The following AGFG1 variants were observed in gnomAD, a reference collection of about 807,000 sequenced individuals.
AGFG1 encodes arf-GAP domain and FG repeat-containing protein 1.
A neutral mutation model predicts 60.6 loss-of-function variants in AGFG1; 10 were observed. That is an observed-to-expected ratio of 0.16 (90% confidence interval 0.10 to 0.28). The LOEUF is 0.28. AGFG1 is among the 10% of genes least tolerant of loss of function. The probability of loss-of-function intolerance (pLI) is 1.00; values close to 1 mark genes in which losing one functional copy is unlikely to be tolerated. For synonymous variants in AGFG1, 247 were observed against 242.9 expected, an observed-to-expected ratio of 1.02 and a Z score of -0.16; for missense variants, 537 against 676.5, an observed-to-expected ratio of 0.79 and a Z score of 2.29.
intron 2 of AGFG1, among the ~76,000 whole-genome samples, chr2:227,500,361 T>C (rs919899550): frequency 6.6e-6 from 1 of 152,236 alleles, no homozygotes; most frequent in Non-Finnish European, 1.5e-5. Context: ...GGAGAACTTG[T>C]CCTGCTTTGT....
intron 2 of AGFG1, among the ~76,000 whole-genome samples, chr2:227,509,185 G>A (rs1691419212): frequency 6.6e-6 from 1 of 152,156 alleles, no homozygotes; most frequent in African/African-American, 2.4e-5. Context: ...AATTGATGTT[G>A]TGTATCTTTC....
intron 10 of AGFG1, among the ~76,000 whole-genome samples, chr2:227,547,440 C>G (rs973852261): frequency 6.6e-6 from 1 of 151,972 alleles, no homozygotes; most frequent in African/African-American, 2.4e-5. Context: ...AAATTGTTGC[C>G]AATGTGGTAA....
At chr2:227,478,959 A>G (rs916928366) in intron 1 of AGFG1, among the ~76,000 whole-genome samples, 2 of 152,236 alleles carry the variant, frequency 1.3e-5, no homozygotes, top group Non-Finnish European at 2.9e-5. Flanking sequence ...TTTACATGAC[A>G]TTCACTTAAA....
At position 227,519,909 on chromosome 2, in the gene AGFG1, T is replaced by G. The variant is rs1575092976; in HGVS notation, c.262-39T>G. The G allele has an allele frequency of 1.0e-5, 12 of 1,200,864 alleles. No homozygotes were observed. In the East Asian group the frequency reaches 2.7e-4, roughly 27 times the overall value. 74.4% of individuals were successfully genotyped at this position (1,200,864 alleles called of 1,614,324 possible). ...CCCTTAAAATTTCATTAAGTGAAGA[T>G]GTTGAATTTAACATATATTTTTTTA... On this transcript the variant is annotated intron_variant, in intron 2 of 12. Coordinates refer to ENST00000310078, the MANE Select transcript of AGFG1 (RefSeq NM_004504.5).
intron 2 of AGFG1, among the ~76,000 whole-genome samples, chr2:227,515,678 C>T (rs529462417): frequency 1.3e-5 from 2 of 152,228 alleles, no homozygotes; most frequent in South Asian, 2.1e-4. Flanking sequence ...AAAAAGCCTT[C>T]GGACTAGTTT....
chr2:227,551,500 C>T (rs759428096), intron 10 of AGFG1, among the ~76,000 whole-genome samples: 1 of 152,072 alleles, frequency 6.6e-6, no homozygotes, highest in Non-Finnish European at 1.5e-5. Context: ...AACTATTCTT[C>T]AGCGGTTTAA....
At chr2:227,501,583 T>C (rs1691158081) in intron 2 of AGFG1, among the ~76,000 whole-genome samples, 1 of 152,078 alleles carries the variant, frequency 6.6e-6, no homozygotes, top group Non-Finnish European at 1.5e-5. Flanking sequence ...TATTCAGTCC[T>C]TCCCTGAATT....
intron 1 of AGFG1, among the ~76,000 whole-genome samples, chr2:227,477,438 T>C (rs1364034031): frequency 6.6e-6 from 1 of 152,226 alleles, no homozygotes; most frequent in Non-Finnish European, 1.5e-5. Flanking sequence ...AGTGTTTTGC[T>C]GTTATAACCT....
chr2:227,531,525 CTTTT>C (rs34372948), intron 6 of AGFG1, among the ~76,000 whole-genome samples: 4 of 130,204 alleles, frequency 3.1e-5, no homozygotes, highest in East Asian at 2.2e-4. Context: ...CTCTCTGTCT[CTTTT>C]TTTTTTTTTT....
chr2:227,501,016 ACTC>A (rs1190781752), intron 2 of AGFG1, among the ~76,000 whole-genome samples: 1 of 150,570 alleles, frequency 6.6e-6, no homozygotes, highest in Non-Finnish European at 1.5e-5. Flanking sequence ...CTGGTCTTGA[ACTC>A]CTGATCTCAG....
Position 227,524,912 on chromosome 2 carries a change from G to A in AGFG1, c.691G>A (p.Ala231Thr), listed in dbSNP as rs781458811. 2 of 1,614,024 alleles carry A rather than the reference G, an allele frequency of 1.2e-6. No homozygotes were observed. Among genetic ancestry groups the A allele is most frequent in the South Asian group, 2.2e-5 (2 of 91,076 alleles). The change falls in exon 5 of 13, where the codon GCA (alanine) becomes ACA (threonine). Residue 231 changes from alanine (A) to threonine (T), a missense_variant. Physicochemically the swap from Ala to Thr is moderately conservative, Grantham distance 58. This residue lies in a region of AGFG1 where 102 missense variants were observed against 82.9 expected (regional missense o/e 1.23). Coordinates refer to ENST00000310078, the MANE Select transcript of AGFG1 (RefSeq NM_004504.5). The part of the protein sequence containing the change: ...FANFAHFNSH[A>T]AQNSANADFA... ...TAACTTTGCACATTTCAACAGTCAT[G>A]CAGGTAAGTGTTTTTTCCCAACAGC...
At chr2:227,541,982 A>G (rs1692504978) in intron 10 of AGFG1, among the ~76,000 whole-genome samples, 1 of 152,170 alleles carries the variant, frequency 6.6e-6, no homozygotes, top group Admixed American at 6.5e-5. Flanking sequence ...TTCACTCATG[A>G]TTTGGCTCTC....
chr2:227,501,771 A>G (rs996948062), intron 2 of AGFG1, among the ~76,000 whole-genome samples: 1 of 151,998 alleles, frequency 6.6e-6, no homozygotes, highest in African/African-American at 2.4e-5. Context: ...TTTAGTAGAG[A>G]CGGAGTCTAC....
At chr2:227,537,095 A>G in intron 10 of AGFG1, 102 bp downstream of exon 10, 2 of 927,716 alleles carry the variant, frequency 2.2e-6, no homozygotes, top group East Asian at 2.4e-5. Flanking sequence ...TTCTTAGTGA[A>G]GTGAATGGCA....
intron 1 of AGFG1, among the ~76,000 whole-genome samples, chr2:227,480,244 G>T (rs1387341386): frequency 1.3e-5 from 2 of 152,144 alleles, no homozygotes; most frequent in Non-Finnish European, 2.9e-5. Context: ...TTAAGGCATT[G>T]GGAGAGGTAA....
At chr2:227,522,466 G>A (rs1691854904) in intron 3 of AGFG1, among the ~76,000 whole-genome samples, 1 of 152,164 alleles carries the variant, frequency 6.6e-6, no homozygotes, top group Non-Finnish European at 1.5e-5. Context: ...TGATTATTAT[G>A]TAGTTTAGTG....
At chr2:227,547,950 G>A (rs1051157325) in intron 10 of AGFG1, among the ~76,000 whole-genome samples, 8 of 152,296 alleles carry the variant, frequency 5.3e-5, no homozygotes, top group Non-Finnish European at 7.4e-5. Flanking sequence ...CCAAGTGCCC[G>A]TCAACTGATG....
chr2:227,503,969 A>G (rs1201702176), intron 2 of AGFG1, among the ~76,000 whole-genome samples: 1 of 152,122 alleles, frequency 6.6e-6, no homozygotes, highest in Non-Finnish European at 1.5e-5. Context: ...CATTGATTCT[A>G]CAGCTTGCTC....
chr2:227,476,828 G>C (rs1326738505), intron 1 of AGFG1, among the ~76,000 whole-genome samples: 4 of 151,566 alleles, frequency 2.6e-5, no homozygotes, highest in African/African-American at 9.7e-5. Context: ...ACTTTTTTTG[G>C]ATACTCTGAT....
Sources: allele counts gnomAD v4.1 joint callset (sites outside exome capture counted in the v4.1 genomes callset), GRCh38; gene constraint gnomAD v4.1.1; regional missense constraint gnomAD v4.1.1; transcripts MANE v1.5; gene names NCBI Gene and HGNC (gene_info 2026-07-23, HGNC 2026-07-21).